Variants in USP46 observed in about 807,000 individuals in gnomAD.
USP46 encodes ubiquitin carboxyl-terminal hydrolase 46.
In USP46, 12 loss-of-function variants were observed where a neutral mutation model predicts 44.4. The ratio of observed to expected loss-of-function variants is 0.27; its 90% CI spans 0.17 to 0.44. The LOEUF (loss-of-function observed/expected upper bound fraction) is 0.44. Ranked by LOEUF, USP46 falls within the 20% of genes least tolerant of loss-of-function variation. The pLI, the probability that USP46 is intolerant of heterozygous loss-of-function variation, is 1.00. For missense variants in USP46, 248 were observed against 444.8 expected, an observed-to-expected ratio of 0.56 and a Z score of 3.98; for synonymous variants, 155 against 161.5, an observed-to-expected ratio of 0.96 and a Z score of 0.31.
At chr4:52,604,682 T>A in intron 5 of USP46, 98 bp from the exon 6 acceptor site, 1 of 770,764 alleles carries the variant, frequency 1.3e-6, no homozygotes, top group Non-Finnish European at 2.0e-6. Context: ...AATTTTTAAG[T>A]AAAAATGGAA....
At chr4:52,618,474 A>T (rs1717249734) in intron 4 of USP46, among the ~76,000 whole-genome samples, 1 of 151,672 alleles carries the variant, frequency 6.6e-6, no homozygotes, top group Admixed American at 6.6e-5. Context: ...TGGGTGACAG[A>T]GTGAGACTCC....
At chr4:52,620,099 A>G (rs949005970) in intron 4 of USP46, among the ~76,000 whole-genome samples, 2 of 152,178 alleles carry the variant, frequency 1.3e-5, no homozygotes, top group African/African-American at 4.8e-5. Flanking sequence ...CAGGCTTCCC[A>G]CTCAAGATAA....
At chr4:52,640,696 C>T (rs112653005) in intron 1 of USP46, among the ~76,000 whole-genome samples, 193 of 151,326 alleles carry the variant, frequency 1.3e-3, no homozygotes, top group African/African-American at 4.6e-3. Context: ...GTCCCAGCTA[C>T]TCAGGAGACT....
At chr4:52,650,440 C>T (rs1024997841) in intron 1 of USP46, among the ~76,000 whole-genome samples, 1 of 152,126 alleles carries the variant, frequency 6.6e-6, no homozygotes, top group African/African-American at 2.4e-5. Flanking sequence ...TGGTAAACAC[C>T]ATATCAACTT....
intron 1 of USP46, among the ~76,000 whole-genome samples, chr4:52,650,624 T>C (rs1465579384): frequency 1.3e-5 from 2 of 152,162 alleles, no homozygotes; most frequent in Non-Finnish European, 2.9e-5. Context: ...ATCTGAAGGG[T>C]AGGTAAACAT....
In USP46 at chr4:52,659,191, A is replaced by T; in HGVS notation, c.-41T>A. 1 of 1,518,272 alleles carries T rather than the reference A, an allele frequency of 6.6e-7. No individual in the cohort carries two copies. Among genetic ancestry groups the T allele is most frequent in the Non-Finnish European group, 8.8e-7 (1 of 1,131,262 alleles). The allele number at this position is 1,518,272 out of a possible 1,614,324, so 94.1% of individuals were successfully genotyped here. ...AGCGATCCCTCACCGCCATCTTTAC[A>T]AGGGGAAACCGGGACTGCCCATGGT... On this transcript the variant is annotated 5_prime_UTR_variant, in exon 1 of 9. An upstream open reading frame in the 5' UTR gains an earlier in-frame stop. Coordinates refer to ENST00000441222, the MANE Select transcript of USP46 (RefSeq NM_022832.4). This position sits in a 1 kb window ranked among gnomAD's most constrained non-coding sequence, Gnocchi z 4.2.
At chr4:52,658,181 G>A (rs1040634365) in intron 1 of USP46, 1 of 455,232 alleles carries the variant, frequency 2.2e-6, no homozygotes, top group African/African-American at 2.0e-5. Flanking sequence ...CACCCTGCAA[G>A]GGACAGCAAT....
intron 4 of USP46, among the ~76,000 whole-genome samples, chr4:52,612,409 A>T (rs917417758): frequency 1.3e-5 from 2 of 152,140 alleles, no homozygotes; most frequent in Non-Finnish European, 2.9e-5. Context: ...TCTTTGTCAT[A>T]TGGCTTCACA....
chr4:52,635,874 G>A (rs900461361), intron 1 of USP46, among the ~76,000 whole-genome samples: 1 of 152,214 alleles, frequency 6.6e-6, no homozygotes, highest in East Asian at 1.9e-4. Context: ...CTGGTGGTGA[G>A]GTGGGGAGAA....
At position 52,659,264 on chromosome 4, in the gene USP46, G is replaced by C. The variant is rs1233855223; in HGVS notation, c.-114C>G. 3 of 1,270,436 alleles carry C rather than the reference G, an allele frequency of 2.4e-6. No individual in the cohort carries two copies. Among genetic ancestry groups the C allele is most frequent in the Middle Eastern group, 2.0e-4 (1 of 4,962 alleles). 78.7% of individuals were successfully genotyped at this position (1,270,436 alleles called of 1,614,324 possible). A position where few individuals can be genotyped will look rare whatever the true frequency, so the allele number is the denominator to read the frequency against. On this transcript the variant is annotated 5_prime_UTR_variant, in exon 1 of 9. Coordinates refer to ENST00000441222, the MANE Select transcript of USP46 (RefSeq NM_022832.4). The surrounding 1 kb of genome is among the most constrained non-coding windows in gnomAD (Gnocchi z 4.2). ...GCGGCAGCGCGGCGGCCTGGGGTCC[G>C]GCTTTCAGTTTGGCTGGGAGAGGGA...
At chr4:52,632,639 T>G (rs1430633031) in intron 1 of USP46, among the ~76,000 whole-genome samples, 1 of 151,244 alleles carries the variant, frequency 6.6e-6, no homozygotes, top group African/African-American at 2.4e-5. Context: ...CTGGGCAACA[T>G]GGTAAAATCC....
Position 52,632,968 on chromosome 4 carries a change from G to GAAAGAAAGAA in USP46, c.37-1834_37-1825dup, listed in dbSNP as rs1717928986. 1.3e-4 allele frequency among the ~76,000 whole-genome samples: 10 copies of GAAAGAAAGAA among 74,816 alleles called. 1 individual carries two copies. The highest frequency in any genetic ancestry group is 2.0e-4 in the Non-Finnish European group (8 of 39,324). The allele number at this position is 74,816 out of a possible 152,430, so 49.1% of individuals were successfully genotyped here. On this transcript the variant is annotated intron_variant, in intron 1 of 8. Transcript: ENST00000441222. ...AGAAAGAAAGAAAGAAAGAAAGAAA[G>GAAAGAAAGAA]AAAGAAAGAAAGAAAGAAAAGAAAA...
chr4:52,605,038 A>G (rs2109599422), intron 5 of USP46, among the ~76,000 whole-genome samples: 1 of 152,362 alleles, frequency 6.6e-6, no homozygotes, highest in East Asian at 1.9e-4. Context: ...ATGCAAGGTG[A>G]CATTATTGTG....
chr4:52,659,154 T>C lies in USP46; in HGVS notation c.-4A>G, dbSNP rs1719075644. On this transcript the variant is annotated 5_prime_UTR_variant, in exon 1 of 9. Coordinates refer to ENST00000441222, the MANE Select transcript of USP46 (RefSeq NM_022832.4). The surrounding 1 kb of genome is among the most constrained non-coding windows in gnomAD (Gnocchi z 4.2). ...AGGCGATGTTTCGGACAGTCATTAG[T>C]CTAAAGGTTGCAGCGATCCCTCACC... 1.3e-6 allele frequency: 2 copies of C among 1,561,306 alleles called. No individual in the cohort carries two copies. Among genetic ancestry groups the C allele is most frequent in the African/African-American group, 1.4e-5 (1 of 71,228 alleles).
intron 4 of USP46, among the ~76,000 whole-genome samples, chr4:52,613,009 A>G (rs1220314002): frequency 1.3e-5 from 2 of 152,156 alleles, no homozygotes; most frequent in East Asian, 3.9e-4. Flanking sequence ...GAAACTATAA[A>G]CTCACATAAC....
chr4:52,600,967 T>G (rs1716446741), intron 7 of USP46, among the ~76,000 whole-genome samples: 1 of 152,178 alleles, frequency 6.6e-6, no homozygotes. Flanking sequence ...AAATATGGGG[T>G]GCTTCAGATG....
At chr4:52,604,410 C>G in intron 6 of USP46, 91 bp downstream of exon 6, 1 of 1,038,304 alleles carries the variant, frequency 9.6e-7, no homozygotes. Flanking sequence ...GCCCAGGTAG[C>G]TGAGATTGAT....
intron 5 of USP46, 142 bp from the exon 6 acceptor site, chr4:52,604,726 C>T (rs745716329): frequency 1.7e-5 from 10 of 596,928 alleles, no homozygotes; most frequent in Non-Finnish European, 2.8e-5. Flanking sequence ...CTACTTAAGA[C>T]TAGGATGGTA....
chr4:52,606,745 C>T lies in USP46; in HGVS notation c.639-2161G>A, dbSNP rs543904187. Among the ~76,000 whole-genome samples the T allele has an allele frequency of 2.6e-5, 4 of 152,220 alleles. No homozygotes were observed. The East Asian group carries it at 5.8e-4, about 22-fold the overall frequency. On this transcript the variant is annotated intron_variant, in intron 5 of 8. Transcript: ENST00000441222. ...CTAACCAACAGTCTCAACAAAGAAA[C>T]GACATAATCAGGTAGTGCTTTTTAG...
Sources: allele counts gnomAD v4.1 joint callset (sites outside exome capture counted in the v4.1 genomes callset), GRCh38; gene constraint gnomAD v4.1.1; non-coding constraint Gnocchi (gnomAD v3.1); transcripts MANE v1.5; gene names NCBI Gene and HGNC (gene_info 2026-07-23, HGNC 2026-07-21).